Variants in FHIT observed in about 807,000 individuals in gnomAD.
The protein encoded by FHIT is fragile histidine triad diadenosine triphosphatase, also known as bis(5'-adenosyl)-triphosphatase.
Under a neutral mutation model 17.9 loss-of-function variants are expected in FHIT, and 19 were observed. The observed-to-expected ratio is 1.06, with a 90% CI of 0.74 to 1.56. The LOEUF is 1.56. Among genes scored for constraint, FHIT ranks in the 40% most tolerant of loss-of-function variants. The probability of loss-of-function intolerance (pLI) is 0.00; values close to 1 mark genes in which losing one functional copy is unlikely to be tolerated. For synonymous variants in FHIT, 81 were observed against 69.7 expected, an observed-to-expected ratio of 1.16 and a Z score of -0.81; for missense variants, 248 against 189.2, an observed-to-expected ratio of 1.31 and a Z score of -1.82.
chr3:60,867,357 T>G (rs781844839), intron 3 of FHIT, among the ~76,000 whole-genome samples: 2 of 152,200 alleles, frequency 1.3e-5, no homozygotes, highest in Admixed American at 1.3e-4. Context: ...GTATTCATAT[T>G]CACATACATG....
chr3:60,560,820 CACACACACACACACACACACACACAG>C (rs1453679873), intron 4 of FHIT, among the ~76,000 whole-genome samples: 1 of 129,450 alleles, frequency 7.7e-6, no homozygotes, highest in African/African-American at 2.9e-5. Context: ...CACACACACA[CACACACACACACACACACACACACAG>C]AGAGAGAGAG....
chr3:61,050,469 C>T (rs1180370403), intron 2 of FHIT, among the ~76,000 whole-genome samples: 4 of 152,000 alleles, frequency 2.6e-5, no homozygotes, highest in Non-Finnish European at 4.4e-5. Context: ...CAAATATGGA[C>T]TGGATATTAG....
At position 60,722,707 on chromosome 3, in the gene FHIT, C is replaced by CTTTTTT. The variant is rs1157024624; in HGVS notation, c.-18+99206_-18+99211dup. The stretch of plus-strand genomic sequence containing the variant: ...CTGGTTGAAAACTGTTACCTTAAAT[C>CTTTTTT]TTTTTTTTTTTTTTTTTTTTTTTTA... On this transcript the variant is annotated intron_variant, in intron 4 of 9. Transcript: ENST00000492590. Among the ~76,000 whole-genome samples, 10 of 104,958 alleles carry CTTTTTT rather than the reference C, an allele frequency of 9.5e-5. 1 individual carries two copies. Among genetic ancestry groups the CTTTTTT allele is most frequent in the African/African-American group, 3.3e-4 (9 of 27,276 alleles). The allele number at this position is 104,958 out of a possible 152,430, so 68.9% of individuals were successfully genotyped here. A position where few individuals can be genotyped will look rare whatever the true frequency, so the allele number is the denominator to read the frequency against.
In FHIT at chr3:60,278,443, G is replaced by T. The variant is rs149163172; in HGVS notation, c.103+258417C>A. ...AGGGCTCAGAACATTTCAGAAGATC[G>T]CAGCCTAGAAACTCAGGCTCACTAA... On this transcript the variant is annotated intron_variant, in intron 5 of 9. Coordinates refer to ENST00000492590, the MANE Select transcript of FHIT (RefSeq NM_002012.4). Among the ~76,000 whole-genome samples, 55 of 152,192 alleles carry T rather than the reference G, an allele frequency of 3.6e-4. No individual in the cohort carries two copies. The East Asian group carries it at 0.01, about 28-fold the overall frequency.
chr3:60,482,497 C>G (rs75331268), intron 5 of FHIT, among the ~76,000 whole-genome samples: 1 of 152,144 alleles, frequency 6.6e-6, no homozygotes, highest in South Asian at 2.1e-4. Flanking sequence ...ACAGTGCAAT[C>G]AAATTAGAAC....
At chr3:59,970,919 T>TA (rs34034432) in intron 7 of FHIT, among the ~76,000 whole-genome samples, 113,240 of 145,512 alleles carry the variant, frequency 0.78, 44,739 homozygotes, top group Non-Finnish European at 0.87. Context: ...AAGCAGGGAT[T>TA]AAAAAAAAAA....
chr3:60,617,574 A>T (rs1243316836), intron 4 of FHIT: 1 of 152,746 alleles, frequency 6.5e-6, no homozygotes, highest in African/African-American at 2.4e-5. Context: ...GCAAGTTTCA[A>T]TTTGAACAGT....
intron 2 of FHIT, among the ~76,000 whole-genome samples, chr3:61,085,299 C>G (rs1575984572): frequency 6.6e-6 from 1 of 152,272 alleles, no homozygotes; most frequent in Non-Finnish European, 1.5e-5. Flanking sequence ...CATATCTTCA[C>G]CAGCACTTCT....
At chr3:60,810,608 C>T (rs919667083) in intron 4 of FHIT, among the ~76,000 whole-genome samples, 1 of 152,160 alleles carries the variant, frequency 6.6e-6, no homozygotes, top group African/African-American at 2.4e-5. Flanking sequence ...GAGGAACATT[C>T]CAACTGTATT....
At chr3:59,955,845 T>C (rs1707366231) in intron 7 of FHIT, among the ~76,000 whole-genome samples, 1 of 152,208 alleles carries the variant, frequency 6.6e-6, no homozygotes. Context: ...GTCTCTCATC[T>C]GAATGACGGC....
chr3:60,308,219 G>A (rs534583424), intron 5 of FHIT, among the ~76,000 whole-genome samples: 6 of 152,136 alleles, frequency 3.9e-5, no homozygotes, highest in Non-Finnish European at 7.4e-5. Flanking sequence ...ACCTCACAAA[G>A]CCTCAGTTTC....
intron 2 of FHIT, among the ~76,000 whole-genome samples, chr3:61,097,672 T>C (rs2035685140): frequency 6.6e-6 from 1 of 152,194 alleles, no homozygotes; most frequent in South Asian, 2.1e-4. Flanking sequence ...TATCTCATTG[T>C]GGTTTTGATT....
At chr3:60,108,909 C>G (rs1463143620) in intron 5 of FHIT, among the ~76,000 whole-genome samples, 1 of 152,116 alleles carries the variant, frequency 6.6e-6, no homozygotes, top group Non-Finnish European at 1.5e-5. Flanking sequence ...GTGATCTGCC[C>G]ACTTCAACCT....
chr3:61,071,117 C>T (rs1462595233), intron 2 of FHIT, among the ~76,000 whole-genome samples: 6 of 151,914 alleles, frequency 3.9e-5, no homozygotes, highest in Non-Finnish European at 8.8e-5. Context: ...ATACAAGAAG[C>T]ATAATGAACT....
intron 4 of FHIT, among the ~76,000 whole-genome samples, chr3:60,568,791 G>T (rs527393304): frequency 2.6e-5 from 4 of 151,906 alleles, no homozygotes; most frequent in African/African-American, 9.7e-5. Context: ...TTTTGAATTC[G>T]ATCTTTATTT....
intron 5 of FHIT, among the ~76,000 whole-genome samples, chr3:60,277,239 A>T (rs2107639032): frequency 6.6e-6 from 1 of 152,278 alleles, no homozygotes; most frequent in African/African-American, 2.4e-5. Flanking sequence ...AAGAAGTTGG[A>T]AGCTGCAGAT....
At chr3:60,772,206 G>C (rs1700067841) in intron 4 of FHIT, among the ~76,000 whole-genome samples, 1 of 151,830 alleles carries the variant, frequency 6.6e-6, no homozygotes, top group Non-Finnish European at 1.5e-5. Context: ...CCCATGATGT[G>C]CACACAGGAC....
intron 4 of FHIT, among the ~76,000 whole-genome samples, chr3:60,769,496 A>G (rs1699968907): frequency 6.6e-6 from 1 of 152,208 alleles, no homozygotes; most frequent in Non-Finnish European, 1.5e-5. Context: ...ACTTCAGCCG[A>G]GTTAAATTTA....
At chr3:60,876,236 G>A (rs1553756503) in intron 3 of FHIT, among the ~76,000 whole-genome samples, 3 of 152,044 alleles carry the variant, frequency 2.0e-5, no homozygotes, top group Non-Finnish European at 2.9e-5. Context: ...TTTTGGTTGA[G>A]TTTAGGTAAT....
Sources: gnomAD v4.1 joint callset for allele counts (sites outside exome capture counted in the v4.1 genomes callset) on GRCh38, gnomAD v4.1.1 for gene constraint, MANE v1.5 for transcripts, NCBI Gene and HGNC (gene_info 2026-07-23, HGNC 2026-07-21) for gene names.